The following DCDC1 variants were observed in gnomAD, a reference collection of about 807,000 sequenced individuals.
DCDC1 encodes doublecortin domain containing 1.
Under a neutral mutation model 178.3 loss-of-function variants are expected in DCDC1, and 200 were observed. That is an observed-to-expected ratio of 1.12 (90% CI 1.00 to 1.26). The LOEUF (loss-of-function observed/expected upper bound fraction) is 1.26. DCDC1 is among the 50% of genes most tolerant of loss of function. DCDC1 has a pLI of 0.00. For missense variants in DCDC1, 1,983 were observed against 1,749.2 expected (o/e 1.13, Z -2.38); for synonymous variants, 690 against 604.8 (o/e 1.14, Z -2.07).
chr11:30,888,154 GAAAGAAAGGGAAA>G (rs1943460535), intron 36 of DCDC1, among the ~76,000 whole-genome samples: 5 of 136,992 alleles, frequency 3.6e-5, no homozygotes, highest in African/African-American at 1.6e-4. Context: ...AAGAAAGAAA[GAAAGAAAGGGAAA>G]GAAAGAAAGA....
At chr11:31,125,236 A>G (rs1961432939) in intron 11 of DCDC1, among the ~76,000 whole-genome samples, 1 of 152,226 alleles carries the variant, frequency 6.6e-6, no homozygotes, top group Admixed American at 6.5e-5. Flanking sequence ...ATGCCATCTC[A>G]TGCCCGTCAG....
chr11:30,982,137 A>G (rs1416421980), intron 20 of DCDC1, among the ~76,000 whole-genome samples: 4 of 152,206 alleles, frequency 2.6e-5, no homozygotes, highest in Non-Finnish European at 2.9e-5. Context: ...AAGAATTTTT[A>G]TGTTTCAGGT....
At chr11:30,888,160 AAG>A (rs1241531557) in intron 36 of DCDC1, among the ~76,000 whole-genome samples, 1 of 132,704 alleles carries the variant, frequency 7.5e-6, no homozygotes. Context: ...GAAAGAAAGA[AAG>A]GGAAAGAAAG....
intron 7 of DCDC1, among the ~76,000 whole-genome samples, chr11:31,271,472 C>T (rs901130700): frequency 5.3e-5 from 8 of 152,188 alleles, no homozygotes; most frequent in South Asian, 2.1e-4. Flanking sequence ...TACTCCTCAA[C>T]TTTACAGCTA....
At chr11:31,295,594 C>T (rs1947628823) in intron 6 of DCDC1, among the ~76,000 whole-genome samples, 1 of 152,194 alleles carries the variant, frequency 6.6e-6, no homozygotes, top group African/African-American at 2.4e-5. Flanking sequence ...AGCCAGTCCC[C>T]TTGCCTCAAA....
intron 6 of DCDC1, among the ~76,000 whole-genome samples, 164 bp from the exon 7 acceptor site, chr11:31,291,016 T>A (rs1482725297): frequency 6.6e-6 from 1 of 152,050 alleles, no homozygotes; most frequent in East Asian, 1.9e-4. Flanking sequence ...AACTGTGACA[T>A]AAGCTGTAGC....
At chr11:31,137,305 A>T (rs1199747232) in intron 10 of DCDC1, among the ~76,000 whole-genome samples, 1 of 151,716 alleles carries the variant, frequency 6.6e-6, no homozygotes, top group Non-Finnish European at 1.5e-5. Flanking sequence ...GATTTACTAT[A>T]AGACTCAAAG....
At chr11:31,193,134 A>G (rs1415184067) in intron 9 of DCDC1, among the ~76,000 whole-genome samples, 2 of 152,052 alleles carry the variant, frequency 1.3e-5, no homozygotes, top group South Asian at 2.1e-4. Flanking sequence ...ACTGAATTAC[A>G]TCACTGGCTT....
chr11:31,127,050 A>G (rs1313273623), intron 11 of DCDC1, among the ~76,000 whole-genome samples: 1 of 152,208 alleles, frequency 6.6e-6, no homozygotes, highest in East Asian at 1.9e-4. Context: ...TAGTTTGAAC[A>G]TCAATCAGTC....
rs1472772672 is a variant in DCDC1 at position 31,127,547 on chromosome 11, C to T, written c.1407G>A (p.Glu469=). 1.4e-6 allele frequency: 1 copy of T among 702,652 alleles called. No homozygotes were observed. The highest frequency in any genetic ancestry group is 2.6e-6 in the Non-Finnish European group (1 of 384,824). The allele number at this position is 702,652 out of a possible 1,614,324, so 43.5% of individuals were successfully genotyped here. The part of the protein sequence containing the change: ...KLGPQLQAEQ[E]QFSSYVYQHI... ...GTTGGTAGACATAAGAGGAGAATTG[C>T]TCCTGCTCAGCCTGTAATTGGGGGC... is the stretch of plus-strand genomic sequence containing the variant. Residue 469 remains glutamate (E), a synonymous_variant, in exon 11 of 39, where the codon GAG becomes GAA. Coordinates refer to ENST00000684477, the MANE Select transcript of DCDC1 (RefSeq NM_001387274.1).
intron 8 of DCDC1, among the ~76,000 whole-genome samples, chr11:31,250,636 C>CTGTACAA (rs1472029459): frequency 6.6e-6 from 1 of 151,556 alleles, no homozygotes; most frequent in East Asian, 2.0e-4. Context: ...AGGAGCAGTG[C>CTGTACAA]TAGATGTACA....
chr11:31,209,840 A>C (rs1972289657), intron 9 of DCDC1, among the ~76,000 whole-genome samples: 1 of 152,236 alleles, frequency 6.6e-6, no homozygotes, highest in Admixed American at 6.5e-5. Flanking sequence ...AGGAACAAGC[A>C]TGAACGGGAG....
At chr11:31,271,544 C>G (rs1945550218) in intron 7 of DCDC1, among the ~76,000 whole-genome samples, 1 of 152,148 alleles carries the variant, frequency 6.6e-6, no homozygotes. Context: ...CATTCTCAGC[C>G]TGTTCCAGTT....
At chr11:31,122,125 G>T (rs1960899739) in intron 11 of DCDC1, among the ~76,000 whole-genome samples, 1 of 152,038 alleles carries the variant, frequency 6.6e-6, no homozygotes, top group Non-Finnish European at 1.5e-5. Flanking sequence ...CTAGGTAACT[G>T]ATATGAGTTG....
At chr11:31,048,416 A>T (rs764024854) in intron 20 of DCDC1, among the ~76,000 whole-genome samples, 31 of 152,312 alleles carry the variant, frequency 2.0e-4, no homozygotes, top group South Asian at 4.1e-4. Flanking sequence ...TGCATCCTAC[A>T]TTGTTTCTGG....
At chr11:31,310,633 C>T (rs1326611952) in intron 3 of DCDC1, among the ~76,000 whole-genome samples, 1 of 152,026 alleles carries the variant, frequency 6.6e-6, no homozygotes, top group Non-Finnish European at 1.5e-5. Flanking sequence ...CACTCTCAAA[C>T]TCATCTTTCT....
chr11:31,296,958 A>G (rs1419177831), intron 6 of DCDC1, among the ~76,000 whole-genome samples: 1 of 152,230 alleles, frequency 6.6e-6, no homozygotes, highest in Admixed American at 6.5e-5. Context: ...CCGTGGGGAC[A>G]CAGAGCCAGA....
Position 31,340,339 on chromosome 11 carries a change from A to G in DCDC1, c.-124-4775T>C, listed in dbSNP as rs139897620. The stretch of plus-strand genomic sequence containing the variant: ...TGTGGAGTGTATGTGGTTCTGAGAG[A>G]GAGGAGGAGAGGAGCAGGAGGGAGG... On this transcript the variant is annotated intron_variant, in intron 1 of 38. Coordinates refer to ENST00000684477, the MANE Select transcript of DCDC1 (RefSeq NM_001387274.1). 1.3e-3 allele frequency among the ~76,000 whole-genome samples: 194 copies of G among 152,206 alleles called. 1 individual carries two copies. Among genetic ancestry groups the G allele is most frequent in the African/African-American group, 4.4e-3 (182 of 41,548 alleles).
chr11:31,301,585 T>C (rs776742482), intron 6 of DCDC1, among the ~76,000 whole-genome samples: 1 of 152,242 alleles, frequency 6.6e-6, no homozygotes, highest in Admixed American at 6.5e-5. Flanking sequence ...TCCAGGTTCA[T>C]TAAATGAATG....
Sources: gnomAD v4.1 joint callset for allele counts (sites outside exome capture counted in the v4.1 genomes callset) on GRCh38, gnomAD v4.1.1 for gene constraint, MANE v1.5 for transcripts, NCBI Gene and HGNC (gene_info 2026-07-23, HGNC 2026-07-21) for gene names.